Variants in BDH1 observed in about 807,000 individuals in gnomAD.
The protein encoded by BDH1 is D-beta-hydroxybutyrate dehydrogenase, mitochondrial.
In BDH1, 30 loss-of-function variants were observed where a neutral mutation model predicts 33.1. The ratio of observed to expected loss-of-function variants is 0.91; its 90% CI spans 0.68 to 1.23. BDH1 has a LOEUF of 1.23. Ranked by LOEUF, BDH1 falls within the 50% of genes most tolerant of loss-of-function variation. BDH1 has a pLI of 0.00. For synonymous variants in BDH1, 190 were observed against 183.6 expected, an observed-to-expected ratio of 1.03 and a Z score of -0.28; for missense variants, 443 against 464.4, an observed-to-expected ratio of 0.95 and a Z score of 0.42.
At chr3:197,551,745 A>G (rs148720967) in intron 2 of BDH1, among the ~76,000 whole-genome samples, 4 of 152,282 alleles carry the variant, frequency 2.6e-5, no homozygotes, top group Middle Eastern at 6.8e-3. Flanking sequence ...AGAATGCCTC[A>G]TTTATAATGA....
At position 197,512,262 on chromosome 3, in the gene BDH1, A is replaced by C. The variant is rs762920612; in HGVS notation, c.665T>G (p.Leu222Arg). 1 of 1,613,152 alleles carries C rather than the reference A, an allele frequency of 6.2e-7. No individual in the cohort carries two copies. Among genetic ancestry groups the C allele is most frequent in the Non-Finnish European group, 8.5e-7 (1 of 1,180,034 alleles). Residue 222 changes from leucine to arginine, a missense_variant, in exon 8 of 8, where the codon CTG becomes CGG. Transcript: ENST00000392379. Reference protein sequence around the residue: ...KFGVEAFSDCLRYEMYPLGVK... With the variant: ...KFGVEAFSDCRRYEMYPLGVK... ...GCCCAGGGGGTACATCTCATAGCGC[A>C]GGCAGTCCGAGAAAGCCTCTACCCC...
rs764210821 is a variant in BDH1, at chr3:197,514,250, C to A, written c.562+14G>T. The stretch of plus-strand genomic sequence containing the variant: ...CAGGTTCAGGGGCAGGAGGGAGCTC[C>A]CTTTCCCACTCACCTTTGGCCCTTC... On this transcript the variant is annotated intron_variant, in intron 7 of 7. Coordinates refer to ENST00000392379, the MANE Select transcript of BDH1 (RefSeq NM_203314.3). The surrounding 1 kb of genome is among the most constrained non-coding windows in gnomAD (Gnocchi z 4.2). 1.1e-5 allele frequency: 18 copies of A among 1,606,194 alleles called. No homozygotes were observed. The South Asian group carries it at 1.9e-4, about 17-fold the overall frequency.
chr3:197,536,269 A>G (rs1373688749), intron 3 of BDH1, among the ~76,000 whole-genome samples: 1 of 152,154 alleles, frequency 6.6e-6, no homozygotes, highest in African/African-American at 2.4e-5. Context: ...ATTTTGATTC[A>G]TTGATATATG....
chr3:197,515,232 T>G, intron 6 of BDH1: 1 of 964,688 alleles, frequency 1.0e-6, no homozygotes, highest in South Asian at 4.8e-5. Context: ...GCCTTCTCCT[T>G]CAATTATGGA....
chr3:197,540,217 C>A (rs541597985), intron 3 of BDH1, among the ~76,000 whole-genome samples: 1 of 151,858 alleles, frequency 6.6e-6, no homozygotes, highest in Non-Finnish European at 1.5e-5. Context: ...CCACGCCCTG[C>A]TAAATTTTGT....
At chr3:197,512,508 A>C in intron 7 of BDH1, 144 bp from the exon 8 acceptor site, 3 of 845,448 alleles carry the variant, frequency 3.5e-6, no homozygotes, top group Non-Finnish European at 5.3e-6. Flanking sequence ...AGGCCAGCTC[A>C]GGCCCACGCA....
upstream of BDH1, among the ~76,000 whole-genome samples, chr3:197,558,877 TG>T (rs1013669027): frequency 8.5e-5 from 13 of 152,240 alleles, no homozygotes; most frequent in African/African-American, 3.1e-4. Flanking sequence ...CGTATCTTCA[TG>T]GATCTCCATT....
chr3:197,541,325 G>T (rs1038684777), intron 3 of BDH1, among the ~76,000 whole-genome samples: 1 of 152,174 alleles, frequency 6.6e-6, no homozygotes, highest in East Asian at 1.9e-4. Flanking sequence ...GGGAAGAACT[G>T]GTTCATCTAG....
intron 1 of BDH1, among the ~76,000 whole-genome samples, chr3:197,564,393 A>T (rs535976495): frequency 8.6e-5 from 13 of 150,568 alleles, no homozygotes; most frequent in East Asian, 5.8e-4. Flanking sequence ...CTGAGATTAA[A>T]TTTTTTTTTT....
rs763282621 is a variant in BDH1 at position 197,543,618 on chromosome 3, G to A, written c.83+2743C>T. Among the ~76,000 whole-genome samples the A allele has an allele frequency of 2.6e-5, 4 of 152,256 alleles. No individual in the cohort carries two copies. In the East Asian group the frequency reaches 5.8e-4, roughly 22 times the overall value. On this transcript the variant is annotated intron_variant, in intron 3 of 7. Coordinates refer to ENST00000392379, the MANE Select transcript of BDH1 (RefSeq NM_203314.3). ...GGCCTTATCCAGCCACTCCTGGGAAGGTTTTCATCTGGACGGAGCCATGTG... is the reference window on the plus strand; with the variant it reads ...GGCCTTATCCAGCCACTCCTGGGAAAGTTTTCATCTGGACGGAGCCATGTG...
intron 6 of BDH1, among the ~76,000 whole-genome samples, chr3:197,517,091 A>C (rs1712815173): frequency 1.3e-5 from 2 of 151,880 alleles, no homozygotes; most frequent in South Asian, 4.1e-4. Context: ...TTCCACTAGC[A>C]TTCCCTTGGG....
chr3:197,533,715 G>T (rs1312242716), intron 3 of BDH1, 154 bp from the exon 4 acceptor site: 8 of 676,736 alleles, frequency 1.2e-5, no homozygotes, highest in Admixed American at 2.7e-5. Flanking sequence ...CACCAGGGTT[G>T]CTGGCTGATA....
In BDH1 at chr3:197,554,768, C is replaced by T. The variant is rs1358612999; in HGVS notation, c.-195-55G>A. On this transcript the variant is annotated intron_variant, in intron 1 of 7. Transcript: ENST00000392379. The surrounding 1 kb of genome is among the most constrained non-coding windows in gnomAD (Gnocchi z 4.4). ...TCGACGCCGCGCGCAGCACCAAACA[C>T]TTCCCCAGAAGGGCGCAGCCTGGAG... 5 of 152,172 alleles carry T rather than the reference C, an allele frequency of 3.3e-5. No homozygotes were observed. The allele number at this position is 152,172 out of a possible 1,614,324, so 9.4% of individuals were successfully genotyped here. A position where few individuals can be genotyped will look rare whatever the true frequency, so the allele number is the denominator to read the frequency against.
chr3:197,545,315 C>T (rs994425088), intron 3 of BDH1, among the ~76,000 whole-genome samples: 2 of 152,158 alleles, frequency 1.3e-5, no homozygotes, highest in African/African-American at 4.8e-5. Context: ...AATGCTTCCT[C>T]GAAATCACAC....
intron 1 of BDH1, among the ~76,000 whole-genome samples, chr3:197,567,229 C>A (rs1344856739): frequency 1.3e-5 from 2 of 152,138 alleles, no homozygotes; most frequent in East Asian, 3.9e-4. Context: ...AATGCTTTCT[C>A]CAAAAGATTT....
intron 1 of BDH1, among the ~76,000 whole-genome samples, chr3:197,570,124 G>C (rs552677114): frequency 1.3e-5 from 2 of 152,348 alleles, no homozygotes; most frequent in African/African-American, 4.8e-5. Context: ...TTAGCAAAGA[G>C]ACTGGCAGCA....
At chr3:197,564,863 AGATT>A (rs1399111840) in intron 1 of BDH1, among the ~76,000 whole-genome samples, 2 of 152,348 alleles carry the variant, frequency 1.3e-5, no homozygotes, top group African/African-American at 2.4e-5. Context: ...AAAATTTTAT[AGATT>A]GTTTATAAAA....
At chr3:197,553,402 G>A (rs112658449) in intron 2 of BDH1, among the ~76,000 whole-genome samples, 5,001 of 151,124 alleles carry the variant, frequency 0.033, 132 homozygotes, top group Non-Finnish European at 0.048. Context: ...GGTCGCTCGC[G>A]CCTGTAGTCC....
chr3:197,557,969 A>G (rs1717129624), upstream of BDH1, among the ~76,000 whole-genome samples: 1 of 152,262 alleles, frequency 6.6e-6, no homozygotes, highest in African/African-American at 2.4e-5. This position sits in a 1 kb window ranked among gnomAD's most constrained non-coding sequence, Gnocchi z 4.6. Flanking sequence ...TCACTATACT[A>G]AAATTACGCC....
Sources: gnomAD v4.1 joint callset for allele counts (sites outside exome capture counted in the v4.1 genomes callset) on GRCh38, gnomAD v4.1.1 for gene constraint, Gnocchi (gnomAD v3.1) non-coding constraint, MANE v1.5 for transcripts, NCBI Gene and HGNC (gene_info 2026-07-23, HGNC 2026-07-21) for gene names.